TXNRD3: variants seen among roughly 807,000 people sequenced by gnomAD.
TXNRD3 encodes thioredoxin reductase 3, also known as TXNRD3 neighbor gene protein.
In TXNRD3, 68 loss-of-function variants were observed where a neutral mutation model predicts 78.2. That is an observed-to-expected ratio of 0.87 (90% CI 0.72 to 1.06). The LOEUF (loss-of-function observed/expected upper bound fraction) is 1.06. Among genes scored for constraint, TXNRD3 ranks in the 50% least tolerant of loss-of-function variants. TXNRD3 has a pLI of 0.00. For missense variants in TXNRD3, 751 were observed against 809.5 expected, an observed-to-expected ratio of 0.93 and a Z score of 0.88; for synonymous variants, 296 against 300.1, an observed-to-expected ratio of 0.99 and a Z score of 0.14.
At chr3:126,608,064 A>T in intron 15 of TXNRD3, 91 bp from the exon 16 acceptor site, 1 of 1,019,768 alleles carries the variant, frequency 9.8e-7, no homozygotes, top group South Asian at 2.1e-5. Context: ...GCTATTCTTT[A>T]AAATATACAA....
intron 1 of TXNRD3, among the ~76,000 whole-genome samples, chr3:126,650,323 A>G (rs909365622): frequency 6.6e-5 from 10 of 152,196 alleles, no homozygotes; most frequent in Non-Finnish European, 1.2e-4. Flanking sequence ...CCACATCATT[A>G]AGTCCACACT....
intron 13 of TXNRD3, among the ~76,000 whole-genome samples, chr3:126,612,056 T>G (rs1034872267): frequency 1.3e-5 from 2 of 152,182 alleles, no homozygotes; most frequent in African/African-American, 2.4e-5. Context: ...TTGTTTGTTT[T>G]GAGACAGGGT....
intron 1 of TXNRD3, among the ~76,000 whole-genome samples, chr3:126,653,739 G>A (rs1365755833): frequency 6.6e-6 from 1 of 152,214 alleles, no homozygotes; most frequent in African/African-American, 2.4e-5. Context: ...TGCGCTGGGA[G>A]TTACGTGCAA....
intron 12 of TXNRD3, among the ~76,000 whole-genome samples, chr3:126,620,372 T>G (rs527347245): frequency 2.6e-5 from 4 of 151,948 alleles, no homozygotes; most frequent in African/African-American, 7.3e-5. Context: ...ATAGTACTTT[T>G]GTTGAACTTC....
In TXNRD3 at chr3:126,615,469, G is replaced by A. The variant is rs796094467; in HGVS notation, c.1525-7C>T. On this transcript the variant is annotated splice_polypyrimidine_tract_variant and splice_region_variant and intron_variant, in intron 12 of 15. Coordinates refer to ENST00000524230, the MANE Select transcript of TXNRD3 (RefSeq NM_052883.3). ...GAACATTAATATAATCACACTGAAAGACAAACAAATTACATTGTCTTATTT... is the reference window on the plus strand; with the variant it reads ...GAACATTAATATAATCACACTGAAAAACAAACAAATTACATTGTCTTATTT... 7 of 1,387,818 alleles carry A rather than the reference G, an allele frequency of 5.0e-6. No individual in the cohort carries two copies. The African/African-American group carries it at 1.0e-4, about 20-fold the overall frequency. 86.0% of individuals were successfully genotyped at this position (1,387,818 alleles called of 1,614,324 possible).
chr3:126,617,396 G>A (rs1005586838), intron 12 of TXNRD3, among the ~76,000 whole-genome samples: 1 of 151,968 alleles, frequency 6.6e-6, no homozygotes, highest in Non-Finnish European at 1.5e-5. Context: ...AGCATTCCTG[G>A]TCCCCATCCA....
intron 3 of TXNRD3, 43 bp from the exon 4 acceptor site, chr3:126,644,444 G>C: frequency 7.3e-7 from 1 of 1,371,524 alleles, no homozygotes; most frequent in African/African-American, 1.4e-5. Context: ...AGAATTTAAA[G>C]TTTTACAGCT....
chr3:126,621,938 T>C (rs763185503), intron 11 of TXNRD3, 40 bp from the exon 12 acceptor site: 189 of 1,447,262 alleles, frequency 1.3e-4, no homozygotes, highest in Non-Finnish European at 1.6e-4. Flanking sequence ...ATATTACAAC[T>C]CACTCTACAC....
At chr3:126,651,594 A>G (rs1363012613) in intron 1 of TXNRD3, among the ~76,000 whole-genome samples, 2 of 152,212 alleles carry the variant, frequency 1.3e-5, no homozygotes, top group Non-Finnish European at 2.9e-5. Flanking sequence ...GTAGACAGAC[A>G]GTTCTGATCT....
chr3:126,643,930 C>A lies in TXNRD3; in HGVS notation c.592+51G>T. 3 of 1,462,742 alleles carry A rather than the reference C, an allele frequency of 2.1e-6. No individual in the cohort carries two copies. The South Asian group carries it at 3.8e-5, about 19-fold the overall frequency. 90.6% of individuals were successfully genotyped at this position (1,462,742 alleles called of 1,614,324 possible). ...GAGGATTAAATGAGATTACATAAAGCAAACAACATATGTAAAGAGCAGAGA... is the reference window on the plus strand; with the variant it reads ...GAGGATTAAATGAGATTACATAAAGAAAACAACATATGTAAAGAGCAGAGA... On this transcript the variant is annotated intron_variant, in intron 5 of 15. Coordinates refer to ENST00000524230, the MANE Select transcript of TXNRD3 (RefSeq NM_052883.3).
intron 1 of TXNRD3, among the ~76,000 whole-genome samples, chr3:126,653,932 A>G (rs1156312064): frequency 6.6e-6 from 1 of 152,122 alleles, no homozygotes; most frequent in Non-Finnish European, 1.5e-5. Flanking sequence ...GCAGAAGAAT[A>G]CCTATGTATG....
At position 126,615,421 on chromosome 3, in the gene TXNRD3, C is replaced by T. The variant is rs1273442931; in HGVS notation, c.1566G>A (p.Leu522=). ...CAGATAATCCACAGCAACCATACTCCAGAGGAGTAAACACTGTAGTCGGAA... is the reference window on the plus strand; with the variant it reads ...CAGATAATCCACAGCAACCATACTCTAGAGGAGTAAACACTGTAGTCGGAA... The change falls in exon 13 of 16, where the codon CTG becomes CTA. Residue 522 remains leucine (L), a synonymous_variant. Coordinates refer to ENST00000524230, the MANE Select transcript of TXNRD3 (RefSeq NM_052883.3). 2.0e-6 allele frequency: 3 copies of T among 1,520,736 alleles called. No homozygotes were observed. Among genetic ancestry groups the T allele is most frequent in the African/African-American group, 2.8e-5 (2 of 72,254 alleles). The allele number at this position is 1,520,736 out of a possible 1,614,324, so 94.2% of individuals were successfully genotyped here. A position where few individuals can be genotyped will look rare whatever the true frequency, so the allele number is the denominator to read the frequency against.
At chr3:126,633,784 CGT>C (rs148725874) in intron 7 of TXNRD3, 123 bp downstream of exon 7, 4,459 of 479,842 alleles carry the variant, frequency 9.3e-3, no homozygotes, top group South Asian at 0.013. Context: ...CATGCATGGC[CGT>C]GTGTGTGTGT....
chr3:126,630,446 A>C (rs1381931699), intron 9 of TXNRD3, among the ~76,000 whole-genome samples: 2 of 152,210 alleles, frequency 1.3e-5, no homozygotes, highest in Non-Finnish European at 2.9e-5. Flanking sequence ...ATAAGGAAAA[A>C]GAAAACTACT....
chr3:126,608,661 A>G (rs1042830542), intron 14 of TXNRD3, 28 bp from the exon 15 acceptor site: 1 of 1,528,994 alleles, frequency 6.5e-7, no homozygotes, highest in South Asian at 1.2e-5. Flanking sequence ...AACAAAGAGA[A>G]TCCCAGTAGG....
intron 14 of TXNRD3, among the ~76,000 whole-genome samples, chr3:126,610,547 G>A (rs1392342446): frequency 6.6e-6 from 1 of 152,190 alleles, no homozygotes; most frequent in African/African-American, 2.4e-5. Flanking sequence ...GTTTCACTTT[G>A]TGTGAACATC....
Position 126,640,094 on chromosome 3 carries a change from CTTTTTTTTTTTTTT to C in TXNRD3, c.712+1924_712+1937del, listed in dbSNP as rs747114940. On this transcript the variant is annotated intron_variant, in intron 6 of 15. Transcript: ENST00000524230. ...AATAAACCAAAGCTGCTTGTGTTTTCTTTTTTTTTTTTTTTTTTTTTTTTTTTTGAGACGGAGTC... is the reference window on the plus strand; with the variant it reads ...AATAAACCAAAGCTGCTTGTGTTTTCTTTTTTTTTTTTTTGAGACGGAGTC... Among the ~76,000 whole-genome samples, 2 of 14,320 alleles carry C rather than the reference CTTTTTTTTTTTTTT, an allele frequency of 1.4e-4. 1 individual carries two copies. 9.4% of individuals were successfully genotyped at this position (14,320 alleles called of 152,430 possible).
chr3:126,618,477 T>C (rs969092950), intron 12 of TXNRD3, among the ~76,000 whole-genome samples: 2 of 152,112 alleles, frequency 1.3e-5, no homozygotes, highest in Non-Finnish European at 2.9e-5. Context: ...AGAAAGGACA[T>C]CATATTTAGT....
chr3:126,608,042 T>C (rs1307589379), intron 15 of TXNRD3, 69 bp from the exon 16 acceptor site: 5 of 1,144,738 alleles, frequency 4.4e-6, no homozygotes, highest in Non-Finnish European at 6.1e-6. Context: ...ACATTCTGAA[T>C]ATTATATTTA....
Sources: gnomAD v4.1 joint callset for allele counts (sites outside exome capture counted in the v4.1 genomes callset) on GRCh38, gnomAD v4.1.1 for gene constraint, MANE v1.5 for transcripts, NCBI Gene and HGNC (gene_info 2026-07-23, HGNC 2026-07-21) for gene names.